RBPMS: variants seen among roughly 807,000 people sequenced by gnomAD.
RBPMS encodes the protein RNA-binding protein with multiple splicing.
A neutral mutation model predicts 26.8 loss-of-function variants in RBPMS; 7 were observed. The observed-to-expected ratio is 0.26, with a 90% confidence interval of 0.15 to 0.49. RBPMS has a LOEUF of 0.49. RBPMS is among the 20% of genes least tolerant of loss of function. The pLI is 0.98. For synonymous variants in RBPMS, 96 were observed against 93.3 expected, an observed-to-expected ratio of 1.03 and a Z score of -0.17; for missense variants, 186 against 250.0, an observed-to-expected ratio of 0.74 and a Z score of 1.73.
intron 1 of RBPMS, among the ~76,000 whole-genome samples, chr8:30,443,805 C>T (rs934307182): frequency 5.3e-5 from 8 of 151,920 alleles, no homozygotes; most frequent in South Asian, 4.1e-4. Context: ...CCGCGTTGGC[C>T]GGGATGGTCT....
chr8:30,508,435 T>C (rs1821273282), intron 5 of RBPMS, among the ~76,000 whole-genome samples: 1 of 152,198 alleles, frequency 6.6e-6, no homozygotes, highest in African/African-American at 2.4e-5. Context: ...ACCTAACCTC[T>C]CTGTGTCTCA....
chr8:30,527,153 C>T (rs1461753720), intron 5 of RBPMS, among the ~76,000 whole-genome samples: 2 of 152,204 alleles, frequency 1.3e-5, no homozygotes, highest in Non-Finnish European at 2.9e-5. Context: ...GAAGTAAATA[C>T]ATCCTGAGAA....
intron 5 of RBPMS, among the ~76,000 whole-genome samples, chr8:30,511,583 GTATAGA>G (rs1433975360): frequency 8.3e-5 from 12 of 145,440 alleles, no homozygotes; most frequent in African/African-American, 3.0e-4. Context: ...GTATATATGT[GTATAGA>G]TATATATATT....
intron 1 of RBPMS, among the ~76,000 whole-genome samples, chr8:30,390,290 C>CT (rs1807635228): frequency 4.6e-5 from 7 of 152,212 alleles, no homozygotes; most frequent in African/African-American, 1.7e-4. Flanking sequence ...CGGTGAGAAT[C>CT]AGGTCTGCCT....
At chr8:30,503,485 C>T (rs968264841) in intron 4 of RBPMS, among the ~76,000 whole-genome samples, 5 of 151,552 alleles carry the variant, frequency 3.3e-5, no homozygotes, top group Non-Finnish European at 7.4e-5. Flanking sequence ...TGTTGAACTC[C>T]CGAGCTCAGG....
intron 6 of RBPMS, among the ~76,000 whole-genome samples, chr8:30,546,571 C>T (rs1189803422): frequency 6.6e-6 from 1 of 152,160 alleles, no homozygotes; most frequent in African/African-American, 2.4e-5. Context: ...GATGCACTGC[C>T]CATGGTGGCA....
At chr8:30,533,623 A>G (rs1205889418) in intron 5 of RBPMS, among the ~76,000 whole-genome samples, 4 of 152,184 alleles carry the variant, frequency 2.6e-5, no homozygotes, top group Non-Finnish European at 5.9e-5. Flanking sequence ...ATTCCTTGGC[A>G]CACAGAAATG....
intron 5 of RBPMS, among the ~76,000 whole-genome samples, chr8:30,510,040 G>C (rs1380609729): frequency 6.6e-6 from 1 of 152,044 alleles, no homozygotes. Context: ...TTTATCTTTA[G>C]GACAAAGTTT....
rs1208616667 is a variant in RBPMS, at chr8:30,572,027, CTCTT to C, written c.*1507_*1510del. 6.6e-6 allele frequency: 1 copy of C among 152,160 alleles called. No individual in the cohort carries two copies. The highest frequency in any genetic ancestry group is 1.5e-5 in the Non-Finnish European group (1 of 68,032). 9.4% of individuals were successfully genotyped at this position (152,160 alleles called of 1,614,324 possible). A position where few individuals can be genotyped will look rare whatever the true frequency, so the allele number is the denominator to read the frequency against. On this transcript the variant is annotated 3_prime_UTR_variant, in exon 9 of 9. Coordinates refer to ENST00000397323, the MANE Select transcript of RBPMS (RefSeq NM_001008710.3). ...AAAAACCAAGGCCAGGAGTGAGGGG[CTCTT>C]TCTTACCGTAAATAAGGGGAAAAGG...
intron 4 of RBPMS, among the ~76,000 whole-genome samples, chr8:30,496,406 G>A (rs1819963699): frequency 6.6e-6 from 1 of 152,050 alleles, no homozygotes; most frequent in African/African-American, 2.4e-5. Flanking sequence ...CCAACCTCGT[G>A]ATCTGCCCTC....
chr8:30,515,018 G>A (rs10112837), intron 5 of RBPMS, among the ~76,000 whole-genome samples: 5,191 of 152,164 alleles, frequency 0.034, 309 homozygotes, highest in African/African-American at 0.12. Context: ...TAGAGACCAT[G>A]TCTCACTCTG....
chr8:30,490,064 G>A (rs767293768), intron 4 of RBPMS, among the ~76,000 whole-genome samples: 2 of 151,654 alleles, frequency 1.3e-5, no homozygotes, highest in Non-Finnish European at 2.9e-5. Context: ...CTCCCGCCTC[G>A]GCCTTCCAAA....
At chr8:30,544,893 C>G in intron 6 of RBPMS, 1 of 1,489,024 alleles carries the variant, frequency 6.7e-7, no homozygotes, top group South Asian at 1.4e-5. Context: ...CATGAGAGAC[C>G]GGGGCAGGTT....
At chr8:30,491,920 C>A (rs1046324751) in intron 4 of RBPMS, among the ~76,000 whole-genome samples, 1 of 152,060 alleles carries the variant, frequency 6.6e-6, no homozygotes, top group South Asian at 2.1e-4. Flanking sequence ...AATGGAGTTT[C>A]GCTCTTGTCG....
At chr8:30,549,918 T>TCGGCTCACTG (rs926581902) in intron 6 of RBPMS, among the ~76,000 whole-genome samples, 4 of 150,726 alleles carry the variant, frequency 2.7e-5, no homozygotes, top group Non-Finnish European at 5.9e-5. Flanking sequence ...TGGTGTGATC[T>TCGGCTCACTG]CGGCTCACTG....
intron 1 of RBPMS, among the ~76,000 whole-genome samples, chr8:30,452,150 G>C (rs77003135): frequency 2.1e-4 from 32 of 152,300 alleles, no homozygotes; most frequent in African/African-American, 7.5e-4. Flanking sequence ...CAAACAGGTT[G>C]TAAGAAGAAG....
intron 1 of RBPMS, among the ~76,000 whole-genome samples, chr8:30,441,702 AT>A (rs1344461152): frequency 4.6e-5 from 7 of 152,196 alleles, no homozygotes; most frequent in African/African-American, 1.7e-4. Flanking sequence ...GATCTGAAAA[AT>A]AAACCCTCCA....
At chr8:30,558,765 A>C in intron 6 of RBPMS, 122 bp from the exon 7 acceptor site, 2 of 818,426 alleles carry the variant, frequency 2.4e-6, no homozygotes, top group Non-Finnish European at 4.2e-6. Context: ...AGGCCCTCAC[A>C]GGCTAGTGTG....
chr8:30,446,008 T>G (rs1813722243), intron 1 of RBPMS, among the ~76,000 whole-genome samples: 1 of 152,118 alleles, frequency 6.6e-6, no homozygotes, highest in African/African-American at 2.4e-5. Flanking sequence ...AAAGAGACAA[T>G]GAAATCAGTG....
Sources: allele counts gnomAD v4.1 joint callset (sites outside exome capture counted in the v4.1 genomes callset), GRCh38; gene constraint gnomAD v4.1.1; transcripts MANE v1.5; gene names NCBI Gene and HGNC (gene_info 2026-07-23, HGNC 2026-07-21).